Variants in TSEN54 observed in about 807,000 individuals in gnomAD.
The protein encoded by TSEN54 is tRNA-splicing endonuclease subunit Sen54.
Under a neutral mutation model 61.9 loss-of-function variants are expected in TSEN54, and 55 were observed. The ratio of observed to expected loss-of-function variants is 0.89; its 90% CI spans 0.72 to 1.11. The LOEUF (loss-of-function observed/expected upper bound fraction) is 1.11. Ranked by LOEUF, TSEN54 falls within the 50% of genes most tolerant of loss-of-function variation. TSEN54 has a pLI of 0.00. For missense variants in TSEN54, 760 were observed against 687.7 expected, an observed-to-expected ratio of 1.11 and a Z score of -1.18; for synonymous variants, 304 against 288.7, an observed-to-expected ratio of 1.05 and a Z score of -0.54.
intron 5 of TSEN54, among the ~76,000 whole-genome samples, chr17:75,518,265 A>G (rs2053394124): frequency 6.6e-6 from 1 of 152,234 alleles, no homozygotes; most frequent in South Asian, 2.1e-4. Context: ...AGATGTAAAT[A>G]TGGGTGCCAT....
chr17:75,521,600 A>G, intron 7 of TSEN54, 90 bp downstream of exon 7: 2 of 1,564,130 alleles, frequency 1.3e-6, no homozygotes, highest in Non-Finnish European at 1.8e-6. Context: ...AGCAGCTCCC[A>G]TGCAGGCTCA....
In TSEN54 at chr17:75,524,252, G is replaced by T. The variant is rs1402961810; in HGVS notation, c.1431-10G>T. On this transcript the variant is annotated splice_polypyrimidine_tract_variant and intron_variant, in intron 10 of 10. Coordinates refer to ENST00000333213, the MANE Select transcript of TSEN54 (RefSeq NM_207346.3). ...TGGCTGGGTCTCACTCTAACCCTTT[G>T]TCCCTGCAGATTTGATGAGCCTGTC... 1.2e-6 allele frequency: 2 copies of T among 1,614,026 alleles called. No individual in the cohort carries two copies. The highest frequency in any genetic ancestry group is 2.2e-5 in the East Asian group (1 of 44,896).
rs780041090 is a variant in TSEN54 at position 75,521,504 on chromosome 17, G to T, written c.617G>T (p.Ser206Ile). 4.3e-6 allele frequency: 7 copies of T among 1,613,914 alleles called. No individual in the cohort carries two copies. The African/African-American group carries it at 9.3e-5, about 22-fold the overall frequency. ...GDGKRKRSSS[S>I]PRSINKKAKA... ...GGCAAGAGAAAGAGGAGCAGCTCCAGCCCTCGGTAACTCCCACATCACGGT... is the reference window on the plus strand; with the variant it reads ...GGCAAGAGAAAGAGGAGCAGCTCCATCCCTCGGTAACTCCCACATCACGGT... Residue 206 changes from serine to isoleucine, a missense_variant, in exon 7 of 11, where the codon AGC becomes ATC. Around this residue, in one of 3 missense-constraint regions of TSEN54, gnomAD observed 667 missense variants for 577.8 expected, o/e 1.15. Coordinates refer to ENST00000333213, the MANE Select transcript of TSEN54 (RefSeq NM_207346.3).
Position 75,521,984 on chromosome 17 carries a change from C to T in TSEN54, c.903C>T (p.Ile301=). The T allele has an allele frequency of 6.2e-7, 1 of 1,606,410 alleles. No homozygotes were observed. The highest frequency in any genetic ancestry group is 1.3e-5 in the African/African-American group (1 of 74,838). Residue 301 remains isoleucine (I), a synonymous_variant, in exon 8 of 11, where the codon ATC becomes ATT. Transcript: ENST00000333213. Reference sequence around the variant, plus strand: ...AGCGGCGCTGGAACTTCGAGCAGATCTCCTTCCCCAACATGGCTTCAGACA... The same window carrying T: ...AGCGGCGCTGGAACTTCGAGCAGATTTCCTTCCCCAACATGGCTTCAGACA... ...AGKRRWNFEQ[I]SFPNMASDSR... is the part of the protein sequence containing the mutation.
rs571488219 is a variant in TSEN54, at chr17:75,518,209, C to A, written c.468+554C>A. 1.8e-4 allele frequency among the ~76,000 whole-genome samples: 28 copies of A among 152,278 alleles called. 1 individual carries two copies. The South Asian group carries it at 5.8e-3, about 32-fold the overall frequency. On this transcript the variant is annotated intron_variant, in intron 5 of 10. Transcript: ENST00000333213. ...GACATCCAAGTGAGTGTAAAGCAGACAGACAATTGGAATCCAAGTCTGGAG... is the reference window on the plus strand; with the variant it reads ...GACATCCAAGTGAGTGTAAAGCAGAAAGACAATTGGAATCCAAGTCTGGAG...
Position 75,522,299 on chromosome 17 carries a change from C to A in TSEN54, c.1218C>A (p.Thr406=). The A allele has an allele frequency of 6.5e-7, 1 of 1,546,142 alleles. No homozygotes were observed. The highest frequency in any genetic ancestry group is 1.2e-5 in the South Asian group (1 of 83,982). The change falls in exon 8 of 11, where the codon ACC becomes ACA. Residue 406 remains threonine, a synonymous_variant. Transcript: ENST00000333213. Reference sequence around the variant, plus strand: ...CTCACCTGTGGGGCCAGCCCGTCACCCCGCTGCTGAGTCCTGGCCAGGCCA... The same window carrying A: ...CTCACCTGTGGGGCCAGCCCGTCACACCGCTGCTGAGTCCTGGCCAGGCCA... ...RAPHLWGQPV[T]PLLSPGQASS...
intron 6 of TSEN54, among the ~76,000 whole-genome samples, chr17:75,520,074 C>A (rs2053411629): frequency 6.6e-6 from 1 of 151,802 alleles, no homozygotes; most frequent in Non-Finnish European, 1.5e-5. Context: ...AACACACTCA[C>A]TGTGCAAAAT....
At chr17:75,523,438 G>C in intron 9 of TSEN54, 103 bp downstream of exon 9, 1 of 1,607,876 alleles carries the variant, frequency 6.2e-7, no homozygotes, top group Non-Finnish European at 8.5e-7. Context: ...GACTGTTCCA[G>C]GGACTCCTAC....
At position 75,521,423 on chromosome 17, in the gene TSEN54, C is replaced by A. The variant is rs376310114; in HGVS notation, c.536C>A (p.Pro179Gln). The change falls in exon 7 of 11, where the codon CCG (proline) becomes CAG (glutamine). Residue 179 changes from proline (P) to glutamine (Q), a missense_variant. By Grantham distance (76) the Pro-to-Gln change is moderately conservative. This residue lies in a region of TSEN54 where 667 missense variants were observed against 577.8 expected (regional missense o/e 1.15). Coordinates refer to ENST00000333213, the MANE Select transcript of TSEN54 (RefSeq NM_207346.3). Reference protein sequence around the residue: ...RRFQPSSVLSPYERQLNLDAS... With the variant: ...RRFQPSSVLSQYERQLNLDAS... ...TCACCCCACAGCTCTGTCCTGTCCCCGTATGAGAGGCAGCTTAACCTGGAT... is the reference window on the plus strand; with the variant it reads ...TCACCCCACAGCTCTGTCCTGTCCCAGTATGAGAGGCAGCTTAACCTGGAT... 2.5e-6 allele frequency: 4 copies of A among 1,614,062 alleles called. No individual in the cohort carries two copies. The highest frequency in any genetic ancestry group is 1.7e-5 in the Admixed American group (1 of 60,020).
rs1214084778 is a variant in TSEN54, at chr17:75,519,015, G to T, written c.489G>T (p.Arg163Ser). 6.2e-7 allele frequency: 1 copy of T among 1,613,892 alleles called. No homozygotes were observed. Among genetic ancestry groups the T allele is most frequent in the East Asian group, 2.2e-5 (1 of 44,894 alleles). ...TTGAGGTCTTCAGCCACCTGAAGAG[G>T]TTGGGTTATGTGGTTCGACGATTCC... Reference protein sequence around the residue: ...LQYQVFSHLKRLGYVVRRFQP... With the variant: ...LQYQVFSHLKSLGYVVRRFQP... The change falls in exon 6 of 11, where the codon AGG (arginine) becomes AGT (serine). Residue 163 changes from arginine to serine, a missense_variant. By Grantham distance (110) the Arg-to-Ser change is moderately radical. This residue lies in a region of TSEN54 where 667 missense variants were observed against 577.8 expected (regional missense o/e 1.15). Transcript: ENST00000333213.
At chr17:75,521,630 G>C in intron 7 of TSEN54, 75 bp from the exon 8 acceptor site, 2 of 1,579,920 alleles carry the variant, frequency 1.3e-6, no homozygotes, top group Non-Finnish European at 1.7e-6. Context: ...TAGGGGACCT[G>C]CCTTCAGCTC....
At chr17:75,516,959 G>T in intron 2 of TSEN54, 49 bp downstream of exon 2, 2 of 1,545,222 alleles carry the variant, frequency 1.3e-6, no homozygotes, top group African/African-American at 1.4e-5. Flanking sequence ...GAGGCGGGCC[G>T]CGGGGTCTCC....
In TSEN54 at chr17:75,517,648, A is replaced by C. The variant is rs1469606140; in HGVS notation, c.461A>C (p.Gln154Pro). 1 of 1,613,516 alleles carries C rather than the reference A, an allele frequency of 6.2e-7. No individual in the cohort carries two copies. Among genetic ancestry groups the C allele is most frequent in the Non-Finnish European group, 8.5e-7 (1 of 1,179,916 alleles). ...ACCGACCACACTGTGACCTTCCTGCAGTACCAGGTATCTGCCACCACCCCG... is the reference window on the plus strand; with the variant it reads ...ACCGACCACACTGTGACCTTCCTGCCGTACCAGGTATCTGCCACCACCCCG... ...LLTDHTVTFL[Q>P]YQVFSHLKRL... Residue 154 changes from glutamine to proline, a missense_variant, in exon 5 of 11, where the codon CAG becomes CCG. Coordinates refer to ENST00000333213, the MANE Select transcript of TSEN54 (RefSeq NM_207346.3).
In TSEN54 at chr17:75,517,195, A is replaced by C. The variant is rs1298351014; in HGVS notation, c.320A>C (p.Gln107Pro). ...TGGCAGACCATGGGCTTCTCAGAGC[A>C]GGGCCGGCAGCGCCTTCACCCGGAA... is the stretch of plus-strand genomic sequence containing the variant. ...KFWQTMGFSE[Q>P]GRQRLHPEEA... The change falls in exon 4 of 11, where the codon CAG becomes CCG. Residue 107 changes from glutamine to proline, a missense_variant. Around this residue, in one of 3 missense-constraint regions of TSEN54, gnomAD observed 667 missense variants for 577.8 expected, o/e 1.15. Coordinates refer to ENST00000333213, the MANE Select transcript of TSEN54 (RefSeq NM_207346.3). The C allele has an allele frequency of 6.2e-7, 1 of 1,606,614 alleles. No individual in the cohort carries two copies. Among genetic ancestry groups the C allele is most frequent in the Non-Finnish European group, 8.5e-7 (1 of 1,176,918 alleles).
intron 8 of TSEN54, chr17:75,522,609 A>G (rs1354096199): frequency 1.4e-5 from 18 of 1,262,786 alleles, no homozygotes; most frequent in East Asian, 2.8e-5. Flanking sequence ...TTTGCCACCA[A>G]CTAGCTGTGA....
chr17:75,519,925 A>C (rs1020325973), intron 6 of TSEN54, among the ~76,000 whole-genome samples: 2 of 152,168 alleles, frequency 1.3e-5, no homozygotes, highest in Non-Finnish European at 2.9e-5. Context: ...ATAATCGTGG[A>C]CGTGTACAGT....
At chr17:75,518,331 AG>A (rs2053394823) in intron 5 of TSEN54, among the ~76,000 whole-genome samples, 1 of 152,150 alleles carries the variant, frequency 6.6e-6, no homozygotes, top group Non-Finnish European at 1.5e-5. Context: ...ATCAGAGTAG[AG>A]GGCTGGGTCT....
At chr17:75,517,722 C>G (rs2053389182) in intron 5 of TSEN54, 67 bp downstream of exon 5, 2 of 1,351,528 alleles carry the variant, frequency 1.5e-6, no homozygotes, top group Admixed American at 1.7e-5. Flanking sequence ...GACAAGTACC[C>G]ATAAGGTGCC....
intron 6 of TSEN54, 126 bp downstream of exon 6, chr17:75,519,173 C>G (rs2053403527): frequency 9.6e-7 from 1 of 1,046,942 alleles, no homozygotes; most frequent in African/African-American, 1.6e-5. Flanking sequence ...TGGGCACAGA[C>G]TGGGGGCGCC....
Sources: gnomAD v4.1 joint callset for allele counts (sites outside exome capture counted in the v4.1 genomes callset) on GRCh38, gnomAD v4.1.1 for gene constraint, gnomAD v4.1.1 regional missense constraint, MANE v1.5 for transcripts, NCBI Gene and HGNC (gene_info 2026-07-23, HGNC 2026-07-21) for gene names.